Variants in CADM2 observed in about 807,000 individuals in gnomAD.
The protein encoded by CADM2 is immunoglobulin superfamily member 4D.
A neutral mutation model predicts 49.8 loss-of-function variants in CADM2; 12 were observed. That is an observed-to-expected ratio of 0.24 (90% CI 0.15 to 0.39). The LOEUF (loss-of-function observed/expected upper bound fraction) is 0.39. Ranked by LOEUF, CADM2 falls within the 10% of genes least tolerant of loss-of-function variation. The probability of loss-of-function intolerance (pLI) is 1.00; values close to 1 mark genes in which losing one functional copy is unlikely to be tolerated. For synonymous variants in CADM2, 214 were observed against 175.4 expected (o/e 1.22, Z -1.74); for missense variants, 378 against 492.3 (o/e 0.77, Z 2.20).
At chr3:86,046,398 C>T (rs1009509751) in intron 8 of CADM2, among the ~76,000 whole-genome samples, 1 of 152,100 alleles carries the variant, frequency 6.6e-6, no homozygotes, top group Non-Finnish European at 1.5e-5. Context: ...TTTTTCTTCT[C>T]ATTCTCCATA....
intron 1 of CADM2, among the ~76,000 whole-genome samples, chr3:85,046,150 A>G (rs1292338938): frequency 1.3e-5 from 2 of 152,098 alleles, no homozygotes; most frequent in Non-Finnish European, 2.9e-5. Flanking sequence ...AATTCTGACT[A>G]CACTGCCAGT....
intron 1 of CADM2, among the ~76,000 whole-genome samples, chr3:85,193,906 C>T (rs1035545906): frequency 2.6e-5 from 4 of 152,056 alleles, no homozygotes; most frequent in Non-Finnish European, 2.9e-5. Context: ...TGCTGTCGTG[C>T]GGACATGGTC....
At chr3:85,549,551 G>A (rs561954448) in intron 1 of CADM2, among the ~76,000 whole-genome samples, 32 of 152,246 alleles carry the variant, frequency 2.1e-4, no homozygotes, top group African/African-American at 6.7e-4. Flanking sequence ...GATAATTGGT[G>A]AAAGAGGAAA....
chr3:85,814,044 A>G (rs771957907), intron 3 of CADM2, among the ~76,000 whole-genome samples: 6 of 152,100 alleles, frequency 3.9e-5, no homozygotes, highest in Non-Finnish European at 5.9e-5. Context: ...TTCCATATGA[A>G]GTTTAAAGAA....
chr3:85,150,334 G>T (rs1296125904), intron 1 of CADM2, among the ~76,000 whole-genome samples: 1 of 152,056 alleles, frequency 6.6e-6, no homozygotes, highest in African/African-American at 2.4e-5. Flanking sequence ...TCTGCTTCTG[G>T]CAGATGGTGT....
intron 8 of CADM2, chr3:86,013,369 GA>G: frequency 6.5e-7 from 1 of 1,541,612 alleles, no homozygotes; most frequent in Non-Finnish European, 8.9e-7. Flanking sequence ...ATTCTGATGG[GA>G]AAGCAAAATA....
chr3:85,106,052 AC>A (rs1373277062), intron 1 of CADM2, among the ~76,000 whole-genome samples: 1 of 152,088 alleles, frequency 6.6e-6, no homozygotes, highest in Non-Finnish European at 1.5e-5. Context: ...TATGTAACAA[AC>A]CTGCACATTG....
intron 1 of CADM2, among the ~76,000 whole-genome samples, chr3:85,170,342 C>CTT (rs10649749): frequency 0.12 from 17,915 of 144,358 alleles, 2,464 homozygotes; most frequent in African/African-American, 0.34. Context: ...CTTTTTCTAA[C>CTT]TTTTTTTTTT....
At chr3:85,846,082 T>C (rs1210945531) in intron 3 of CADM2, among the ~76,000 whole-genome samples, 1 of 152,108 alleles carries the variant, frequency 6.6e-6, no homozygotes, top group Admixed American at 6.6e-5. Flanking sequence ...CTCAGAGAAG[T>C]TCTGCAAAGC....
intron 1 of CADM2, among the ~76,000 whole-genome samples, chr3:85,612,075 A>G (rs1291130099): frequency 6.6e-6 from 1 of 151,960 alleles, no homozygotes; most frequent in Non-Finnish European, 1.5e-5. Context: ...GGAATTAAGT[A>G]TAGCAATGAA....
At chr3:85,953,673 C>T (rs1020336373) in intron 7 of CADM2, among the ~76,000 whole-genome samples, 1 of 150,924 alleles carries the variant, frequency 6.6e-6, no homozygotes, top group Non-Finnish European at 1.5e-5. Context: ...ATAGAAACTA[C>T]TTGAATATAA....
chr3:85,155,596 G>C (rs1243860229), intron 1 of CADM2, among the ~76,000 whole-genome samples: 1 of 151,960 alleles, frequency 6.6e-6, no homozygotes, highest in Non-Finnish European at 1.5e-5. Flanking sequence ...GGACCTAATA[G>C]ACATCTACAG....
intron 3 of CADM2, among the ~76,000 whole-genome samples, chr3:85,817,702 G>A (rs1206607828): frequency 6.6e-6 from 1 of 152,120 alleles, no homozygotes; most frequent in East Asian, 1.9e-4. Context: ...TTGACTGATT[G>A]CATAAACCAA....
chr3:85,203,754 A>ACT (rs2041566312), intron 1 of CADM2, among the ~76,000 whole-genome samples: 1 of 152,188 alleles, frequency 6.6e-6, no homozygotes, highest in Admixed American at 6.5e-5. Context: ...CATATTTCTT[A>ACT]CTAGCTCTAG....
chr3:85,409,078 A>T (rs887457701), intron 1 of CADM2, among the ~76,000 whole-genome samples: 1 of 152,226 alleles, frequency 6.6e-6, no homozygotes, highest in African/African-American at 2.4e-5. Flanking sequence ...TTTATGCCAG[A>T]GTCATGCCAA....
chr3:85,510,216 A>T (rs2040551663), intron 1 of CADM2, among the ~76,000 whole-genome samples: 2 of 151,986 alleles, frequency 1.3e-5, no homozygotes, highest in South Asian at 2.1e-4. Context: ...ATCTAAGAAT[A>T]TTTTTTCCTG....
chr3:85,231,722 T>G lies in CADM2; in HGVS notation c.61+272054T>G, dbSNP rs1220562025. ...AGTTTCCTTTCTTTTTTTTTTTTTT[T>G]TGTTTTTGAGATGAAGTTTTGTTCT... On this transcript the variant is annotated intron_variant, in intron 1 of 9. Coordinates refer to ENST00000383699, the MANE Select transcript of CADM2 (RefSeq NM_001167675.2). Among the ~76,000 whole-genome samples the G allele has an allele frequency of 1.1e-4, 17 of 151,058 alleles. No individual in the cohort carries two copies. In the East Asian group the frequency reaches 3.3e-3, roughly 29 times the overall value.
At chr3:85,486,390 T>A (rs1485862077) in intron 1 of CADM2, among the ~76,000 whole-genome samples, 1 of 152,302 alleles carries the variant, frequency 6.6e-6, no homozygotes, top group African/African-American at 2.4e-5. Flanking sequence ...CTTATTTACA[T>A]AAATATGCTG....
At chr3:85,474,241 G>T (rs1432368890) in intron 1 of CADM2, among the ~76,000 whole-genome samples, 2 of 151,586 alleles carry the variant, frequency 1.3e-5, no homozygotes. Flanking sequence ...ATTGTGGATG[G>T]TTGGAAAAGC....
Sources: gnomAD v4.1 joint callset for allele counts (sites outside exome capture counted in the v4.1 genomes callset) on GRCh38, gnomAD v4.1.1 for gene constraint, MANE v1.5 for transcripts, NCBI Gene and HGNC (gene_info 2026-07-23, HGNC 2026-07-21) for gene names.